Variants in NPY2R observed in about 807,000 individuals in gnomAD.
NPY2R encodes neuropeptide Y receptor Y2.
In NPY2R, 17 loss-of-function variants were observed where a neutral mutation model predicts 22.3. The ratio of observed to expected loss-of-function variants is 0.76; its 90% confidence interval spans 0.52 to 1.14. The LOEUF (loss-of-function observed/expected upper bound fraction) is 1.14, where lower values mean the gene tolerates loss of function less well. NPY2R is among the 50% of genes most tolerant of loss of function. The pLI is 0.00. For synonymous variants in NPY2R, 209 were observed against 183.4 expected, an observed-to-expected ratio of 1.14 and a Z score of -1.13; for missense variants, 424 against 467.9, an observed-to-expected ratio of 0.91 and a Z score of 0.87.
At chr4:155,203,544 A>G in the NPY2R span, among the ~76,000 whole-genome samples, 2 of 152,156 alleles carry the variant, frequency 1.3e-5, no homozygotes, top group African/African-American at 2.4e-5. Flanking sequence ...TGCAGCCCCA[A>G]TTATATCTGT....
chr4:155,192,730 G>A, the NPY2R span, among the ~76,000 whole-genome samples: 5 of 151,876 alleles, frequency 3.3e-5, no homozygotes, highest in African/African-American at 1.2e-4. Context: ...GACTTCAAGA[G>A]AGGCACAACT....
chr4:155,178,253 G>A, the NPY2R span, among the ~76,000 whole-genome samples: 3 of 152,158 alleles, frequency 2.0e-5, no homozygotes, highest in Non-Finnish European at 2.9e-5. Flanking sequence ...ATGAAGCTGT[G>A]TTAGGTTAAC....
At chr4:155,185,564 A>T in the NPY2R span, among the ~76,000 whole-genome samples, 2 of 148,922 alleles carry the variant, frequency 1.3e-5, no homozygotes, top group Non-Finnish European at 1.5e-5. Flanking sequence ...TATGGAGCAT[A>T]AAAAAACTAG....
At chr4:155,212,716 A>G (rs766902303) in intron 1 of NPY2R, among the ~76,000 whole-genome samples, 14 of 152,210 alleles carry the variant, frequency 9.2e-5, no homozygotes, top group Non-Finnish European at 1.8e-4. Context: ...AATAAAACCA[A>G]TGTTGTAGAA....
At chr4:155,209,247 C>T (rs1729352882) in intron 1 of NPY2R, among the ~76,000 whole-genome samples, 178 bp downstream of exon 1, 2 of 151,990 alleles carry the variant, frequency 1.3e-5, no homozygotes, top group Non-Finnish European at 2.9e-5. Context: ...TTTCTACTTT[C>T]TCTAGATTTT....
At chr4:155,198,006 TC>T in the NPY2R span, among the ~76,000 whole-genome samples, 1 of 152,208 alleles carries the variant, frequency 6.6e-6, no homozygotes, top group Admixed American at 6.6e-5. Flanking sequence ...TTTCTTTGTA[TC>T]ACAGCAACTA....
chr4:155,182,542 A>G, the NPY2R span, among the ~76,000 whole-genome samples: 1 of 152,170 alleles, frequency 6.6e-6, no homozygotes, highest in Non-Finnish European at 1.5e-5. Context: ...AACAGAGCGA[A>G]TGATGTTTAA....
At chr4:155,195,096 T>A in the NPY2R span, among the ~76,000 whole-genome samples, 1 of 151,980 alleles carries the variant, frequency 6.6e-6, no homozygotes, top group African/African-American at 2.4e-5. Flanking sequence ...GGATAACTTA[T>A]ATCTACAAAT....
upstream of NPY2R, chr4:155,208,005 A>G: frequency 6.6e-6 from 1 of 152,408 alleles, no homozygotes; most frequent in Non-Finnish European, 1.5e-5. This position sits in a 1 kb window ranked among gnomAD's most constrained non-coding sequence, Gnocchi z 5.6. Flanking sequence ...CATGGGCAGC[A>G]GGATCTGAAC....
chr4:155,201,239 G>T, the NPY2R span, among the ~76,000 whole-genome samples: 5 of 152,070 alleles, frequency 3.3e-5, no homozygotes. Context: ...ATCAGCAGAA[G>T]AGATGTTCTG....
At chr4:155,188,155 A>G in the NPY2R span, among the ~76,000 whole-genome samples, 1 of 152,088 alleles carries the variant, frequency 6.6e-6, no homozygotes, top group Non-Finnish European at 1.5e-5. Flanking sequence ...TTATTTTTCA[A>G]AACATGTTTC....
the NPY2R span, among the ~76,000 whole-genome samples, chr4:155,184,293 C>T: frequency 1.3e-5 from 2 of 152,154 alleles, no homozygotes; most frequent in African/African-American, 2.4e-5. Flanking sequence ...TCTCTACTTT[C>T]CCAAGTTGCT....
chr4:155,192,984 A>G, the NPY2R span, among the ~76,000 whole-genome samples: 1 of 151,934 alleles, frequency 6.6e-6, no homozygotes, highest in African/African-American at 2.4e-5. Flanking sequence ...ATGGAGTAGT[A>G]AGGGAGGTCA....
the NPY2R span, among the ~76,000 whole-genome samples, chr4:155,199,568 T>G: frequency 6.6e-6 from 1 of 152,110 alleles, no homozygotes; most frequent in Admixed American, 6.6e-5. Flanking sequence ...AAGACAATCC[T>G]AAGCAAAAAG....
upstream of NPY2R, among the ~76,000 whole-genome samples, chr4:155,203,705 A>C (rs1423903430): frequency 6.6e-6 from 1 of 152,198 alleles, no homozygotes; most frequent in Non-Finnish European, 1.5e-5. Context: ...GCTACAAGGC[A>C]ATTATTGAAA....
chr4:155,215,898 C>T lies in NPY2R; in HGVS notation c.*813C>T, dbSNP rs556022388. ...ACAACTTGATACTTTTATTGTTATA[C>T]CTTTTTGAACATGTATGATTTCTGT... is the stretch of plus-strand genomic sequence containing the variant. On this transcript the variant is annotated 3_prime_UTR_variant, in exon 2 of 2. Transcript: ENST00000329476. 6.0e-6 allele frequency: 1 copy of T among 166,944 alleles called. No individual in the cohort carries two copies. Among genetic ancestry groups the T allele is most frequent in the African/African-American group, 2.4e-5 (1 of 41,416 alleles). 10.3% of individuals were successfully genotyped at this position (166,944 alleles called of 1,614,324 possible).
rs1231599280 is a variant in NPY2R, at chr4:155,215,168, A to G, written c.*83A>G. The G allele has an allele frequency of 2.4e-6, 3 of 1,274,940 alleles. No homozygotes were observed. The highest frequency in any genetic ancestry group is 2.9e-5 in the African/African-American group (2 of 67,940). The allele number at this position is 1,274,940 out of a possible 1,614,324, so 79.0% of individuals were successfully genotyped here. A position where few individuals can be genotyped will look rare whatever the true frequency, so the allele number is the denominator to read the frequency against. On this transcript the variant is annotated 3_prime_UTR_variant, in exon 2 of 2. Coordinates refer to ENST00000329476, the MANE Select transcript of NPY2R (RefSeq NM_000910.4). ...GATGGCGGCTCACAAGTGAAAACTG[A>G]TTTCCCATTTTAAAGAAGAAGTGGA...
chr4:155,212,286 T>C (rs1269425866), intron 1 of NPY2R, among the ~76,000 whole-genome samples: 1 of 152,160 alleles, frequency 6.6e-6, no homozygotes, highest in Non-Finnish European at 1.5e-5. Flanking sequence ...ACCATGGTGT[T>C]GGGCTCTGAA....
At chr4:155,200,733 C>T in the NPY2R span, among the ~76,000 whole-genome samples, 1 of 152,124 alleles carries the variant, frequency 6.6e-6, no homozygotes, top group Non-Finnish European at 1.5e-5. Context: ...AGCCATCATC[C>T]TCAGCAAACT....
Sources: allele counts gnomAD v4.1 joint callset (sites outside exome capture counted in the v4.1 genomes callset), GRCh38; gene constraint gnomAD v4.1.1; non-coding constraint Gnocchi (gnomAD v3.1); transcripts MANE v1.5; gene names NCBI Gene and HGNC (gene_info 2026-07-23, HGNC 2026-07-21).